TEX101: variants seen among roughly 807,000 people sequenced by gnomAD.
TEX101 encodes testis-expressed protein 101.
TEX101 carries 10 observed loss-of-function variants against 18.1 expected under a neutral mutation model. The ratio of observed to expected loss-of-function variants is 0.55; its 90% confidence interval spans 0.34 to 0.94. The LOEUF is 0.94. Ranked by LOEUF, TEX101 falls within the 40% of genes least tolerant of loss-of-function variation. TEX101 has a pLI of 0.02. For synonymous variants in TEX101, 94 were observed against 114.8 expected, an observed-to-expected ratio of 0.82 and a Z score of 1.16; for missense variants, 259 against 298.9, an observed-to-expected ratio of 0.87 and a Z score of 0.98.
chr19:43,399,564 T>C (rs190688327), upstream of TEX101, among the ~76,000 whole-genome samples: 156 of 152,310 alleles, frequency 1.0e-3, no homozygotes, highest in African/African-American at 3.6e-3. Flanking sequence ...TACCTTGAAG[T>C]GTTGTCTGTT....
chr19:43,391,568 G>A, the TEX101 span, among the ~76,000 whole-genome samples: 2 of 152,084 alleles, frequency 1.3e-5, no homozygotes, highest in East Asian at 3.9e-4. Context: ...TTCCTCCTTT[G>A]TAATGTAAGA....
rs374721608 is a variant in TEX101, at chr19:43,416,256, G to A, written c.208+14G>A. On this transcript the variant is annotated intron_variant, in intron 3 of 5. Coordinates refer to ENST00000598265, the MANE Select transcript of TEX101 (RefSeq NM_001130011.3). Reference sequence around the variant, plus strand: ...TAATTAAAGCAGGTGAAATGAGATGGGGCATTTGGGCTGGGTAGGAGGGAG... The same window carrying A: ...TAATTAAAGCAGGTGAAATGAGATGAGGCATTTGGGCTGGGTAGGAGGGAG... The A allele has an allele frequency of 6.3e-7, 1 of 1,599,910 alleles. No individual in the cohort carries two copies. The highest frequency in any genetic ancestry group is 1.1e-5 in the South Asian group (1 of 87,894).
At chr19:43,414,225 A>C (rs540684274), upstream of TEX101, among the ~76,000 whole-genome samples, 1 of 152,296 alleles carries the variant, frequency 6.6e-6, no homozygotes, top group African/African-American at 2.4e-5. Context: ...AATCCGAGTG[A>C]CATGTCTTCT....
intron 3 of TEX101, among the ~76,000 whole-genome samples, chr19:43,408,073 C>T (rs1259080759): frequency 6.6e-6 from 1 of 152,210 alleles, no homozygotes; most frequent in East Asian, 1.9e-4. Context: ...CCGGGGGTCT[C>T]CCGCGTCCCC....
At chr19:43,399,933 G>C (rs557906240), upstream of TEX101, among the ~76,000 whole-genome samples, 1 of 151,498 alleles carries the variant, frequency 6.6e-6, no homozygotes, top group Non-Finnish European at 1.5e-5. Flanking sequence ...TCCTGCCTCA[G>C]CCTCCTGAGT....
At chr19:43,404,002 G>A (rs1340132745) in intron 2 of TEX101, among the ~76,000 whole-genome samples, 2 of 148,574 alleles carry the variant, frequency 1.3e-5, no homozygotes, top group East Asian at 2.0e-4. Context: ...TCACGCCACT[G>A]CACTCCAGCC....
the TEX101 span, among the ~76,000 whole-genome samples, chr19:43,390,454 T>TC: frequency 7.8e-6 from 1 of 128,666 alleles, no homozygotes; most frequent in African/African-American, 2.9e-5. Context: ...TCTTTTCTTT[T>TC]TTTTTCTTTT....
chr19:43,415,797 G>C lies in TEX101; in HGVS notation c.-39-84G>C, dbSNP rs994961261. ...AATGCAGATTAAAACACCCCACCCT[G>C]AAGTCAGTACTTGCCAGGACCTAGA... On this transcript the variant is annotated intron_variant, in intron 1 of 5. Transcript: ENST00000598265. 2.5e-6 allele frequency: 3 copies of C among 1,184,206 alleles called. No homozygotes were observed. In the Admixed American group the frequency reaches 6.0e-5, roughly 24 times the overall value. 73.4% of individuals were successfully genotyped at this position (1,184,206 alleles called of 1,614,324 possible).
chr19:43,389,910 C>G, the TEX101 span, among the ~76,000 whole-genome samples: 1 of 152,140 alleles, frequency 6.6e-6, no homozygotes, highest in Non-Finnish European at 1.5e-5. Context: ...CAGTTGTCTC[C>G]CCGGGTCTCC....
upstream of TEX101, among the ~76,000 whole-genome samples, chr19:43,410,769 CACAG>C (rs778763633): frequency 2.6e-4 from 40 of 151,434 alleles, no homozygotes; most frequent in African/African-American, 3.6e-4. Flanking sequence ...CACAGATACA[CACAG>C]ACATACATAT....
the TEX101 span, among the ~76,000 whole-genome samples, chr19:43,389,151 A>T: frequency 1.8e-3 from 270 of 152,328 alleles, no homozygotes; most frequent in African/African-American, 6.1e-3. Flanking sequence ...GGAACTCTCC[A>T]GGTGGAACAC....
At chr19:43,389,144 A>T in the TEX101 span, among the ~76,000 whole-genome samples, 1 of 151,774 alleles carries the variant, frequency 6.6e-6, no homozygotes, top group African/African-American at 2.4e-5. Flanking sequence ...CCCGCCGGGA[A>T]CTCTCCAGGT....
chr19:43,393,563 A>G, the TEX101 span, among the ~76,000 whole-genome samples: 1 of 151,904 alleles, frequency 6.6e-6, no homozygotes, highest in Non-Finnish European at 1.5e-5. Flanking sequence ...ACTGTTCATT[A>G]TCATGATGGC....
At position 43,415,967 on chromosome 19, in the gene TEX101, A is replaced by C; in HGVS notation, c.48A>C (p.Gly16=). Reference sequence around the variant, plus strand: ...ATTTGCTGATCCTCCTGGTCCTAGGAGCCTCCCTCCTGACCTGTGCGTATG... The same window carrying C: ...ATTTGCTGATCCTCCTGGTCCTAGGCGCCTCCCTCCTGACCTGTGCGTATG... The part of the protein sequence containing the change: ...IQHLLILLVL[G]ASLLTSGLEL... Residue 16 remains glycine (G), a synonymous_variant, in exon 2 of 6, where the codon GGA becomes GGC. Coordinates refer to ENST00000598265, the MANE Select transcript of TEX101 (RefSeq NM_001130011.3). The C allele has an allele frequency of 6.2e-7, 1 of 1,614,026 alleles. No homozygotes were observed.
rs5828170 is a variant in TEX101, at chr19:43,406,941, T to TTTGTTTTTTGTTTTTTG, written c.15+424_15+425insGTTTTTTGTTTTTTGTT. Among the ~76,000 whole-genome samples the TTTGTTTTTTGTTTTTTG allele has an allele frequency of 2.0e-5, 3 of 150,954 alleles. No homozygotes were observed. The South Asian group carries it at 6.3e-4, about 32-fold the overall frequency. On this transcript the variant is annotated intron_variant, in intron 3 of 7. Transcript: ENST00000602198. The stretch of plus-strand genomic sequence containing the variant: ...TTGTCTTTGTTTTTTGTTTTTTTTT[T>TTTGTTTTTTGTTTTTTG]TTTTTTTGACAGGGTCTCATTCTGT...
the TEX101 span, among the ~76,000 whole-genome samples, chr19:43,391,315 C>T: frequency 3.0e-4 from 45 of 152,030 alleles, no homozygotes; most frequent in African/African-American, 1.1e-3. Flanking sequence ...TTTTGAGAAA[C>T]GACCACAGTG....
chr19:43,412,108 T>TA (rs1970424783), upstream of TEX101, among the ~76,000 whole-genome samples: 1 of 152,194 alleles, frequency 6.6e-6, no homozygotes. Flanking sequence ...TGCACTGCTA[T>TA]AAAGAAATAC....
the TEX101 span, among the ~76,000 whole-genome samples, chr19:43,390,214 G>A: frequency 2.1e-4 from 32 of 152,084 alleles, no homozygotes; most frequent in East Asian, 3.1e-3. Context: ...ATTTGCATCC[G>A]TGTGTATCTG....
chr19:43,395,609 C>T, the TEX101 span, among the ~76,000 whole-genome samples: 1 of 152,240 alleles, frequency 6.6e-6, no homozygotes, highest in African/African-American at 2.4e-5. Context: ...AAGGACCTCC[C>T]ATTCCCAGGA....
Sources: gnomAD v4.1 joint callset for allele counts (sites outside exome capture counted in the v4.1 genomes callset) on GRCh38, gnomAD v4.1.1 for gene constraint, MANE v1.5 for transcripts, NCBI Gene and HGNC (gene_info 2026-07-23, HGNC 2026-07-21) for gene names.